Variants in PALD1 observed in about 807,000 individuals in gnomAD.
PALD1 encodes the protein phosphatase domain containing paladin 1.
Under a neutral mutation model 96.0 loss-of-function variants are expected in PALD1, and 57 were observed. The observed-to-expected ratio is 0.59, with a 90% CI of 0.48 to 0.74. PALD1 has a LOEUF of 0.74. Among genes scored for constraint, PALD1 ranks in the 30% least tolerant of loss-of-function variants. PALD1 has a pLI of 0.00. For missense variants in PALD1, 1,063 were observed against 1,143.7 expected (o/e 0.93, Z 1.02); for synonymous variants, 464 against 473.6 (o/e 0.98, Z 0.26).
chr10:70,497,034 C>A (rs909061542), intron 1 of PALD1, among the ~76,000 whole-genome samples: 1 of 152,150 alleles, frequency 6.6e-6, no homozygotes, highest in Non-Finnish European at 1.5e-5. Context: ...TTTCACTGGG[C>A]GTGCCCACGA....
chr10:70,549,165 A>G (rs1240160391), intron 18 of PALD1, among the ~76,000 whole-genome samples: 1 of 151,886 alleles, frequency 6.6e-6, no homozygotes, highest in African/African-American at 2.4e-5. Context: ...GGCCACAGTT[A>G]GATTGGGTCC....
At chr10:70,472,494 C>T in the PALD1 span, among the ~76,000 whole-genome samples, 2 of 152,108 alleles carry the variant, frequency 1.3e-5, no homozygotes, top group Non-Finnish European at 2.9e-5. Flanking sequence ...CTCCTGACCT[C>T]AGGTGATCTG....
At chr10:70,515,243 T>C (rs138864123) in intron 1 of PALD1, among the ~76,000 whole-genome samples, 104 of 152,308 alleles carry the variant, frequency 6.8e-4, no homozygotes, top group African/African-American at 2.4e-3. Flanking sequence ...CTGGGCTGAC[T>C]CAGGCTGGGC....
rs375182465 is a variant in PALD1 at position 70,483,384 on chromosome 10, G to C, written c.-30+4325G>C. ...ATGAGAGAGGCAGGTGGGGTGTCTG[G>C]GTCATCTGCACACCCATGGAAGGCA... On this transcript the variant is annotated intron_variant, in intron 1 of 19. Coordinates refer to ENST00000263563, the MANE Select transcript of PALD1 (RefSeq NM_014431.3). 1.8e-3 allele frequency among the ~76,000 whole-genome samples: 267 copies of C among 152,292 alleles called. 10 individuals carry two copies. The South Asian group carries it at 0.051, about 29-fold the overall frequency.
intron 18 of PALD1, among the ~76,000 whole-genome samples, chr10:70,557,939 T>TC (rs1186662661): frequency 7.1e-6 from 1 of 140,864 alleles, no homozygotes; most frequent in Admixed American, 7.2e-5. Flanking sequence ...CCTTTTTTTT[T>TC]TTTTTTTTTT....
chr10:70,510,743 G>A (rs1375381730), intron 1 of PALD1, among the ~76,000 whole-genome samples: 1 of 152,252 alleles, frequency 6.6e-6, no homozygotes. Flanking sequence ...CAGATGCAGA[G>A]AGGCTTGTGG....
chr10:70,532,258 G>T (rs938460344), intron 5 of PALD1, among the ~76,000 whole-genome samples: 3 of 152,168 alleles, frequency 2.0e-5, no homozygotes, highest in African/African-American at 7.2e-5. Flanking sequence ...GTCAGGAACC[G>T]AGGCCATGCC....
chr10:70,497,215 T>A (rs916462350), intron 1 of PALD1, among the ~76,000 whole-genome samples: 1 of 152,254 alleles, frequency 6.6e-6, no homozygotes, highest in Non-Finnish European at 1.5e-5. Flanking sequence ...GATCAGCACA[T>A]AGGGGCTGTA....
Position 70,566,997 on chromosome 10 carries a change from A to G in PALD1, c.*264A>G. 1 of 468,014 alleles carries G rather than the reference A, an allele frequency of 2.1e-6. No homozygotes were observed. Among genetic ancestry groups the G allele is most frequent in the Admixed American group, 4.1e-5 (1 of 24,564 alleles). The allele number at this position is 468,014 out of a possible 1,614,324, so 29.0% of individuals were successfully genotyped here. A position where few individuals can be genotyped will look rare whatever the true frequency, so the allele number is the denominator to read the frequency against. On this transcript the variant is annotated 3_prime_UTR_variant, in exon 20 of 20. Coordinates refer to ENST00000263563, the MANE Select transcript of PALD1 (RefSeq NM_014431.3). Reference sequence around the variant, plus strand: ...TCACTGGAGTGCTCACAAGGTGCACACTGCTGTGTGTACCTTGCAGACAGG... The same window carrying G: ...TCACTGGAGTGCTCACAAGGTGCACGCTGCTGTGTGTACCTTGCAGACAGG...
At chr10:70,470,057 G>A in the PALD1 span, among the ~76,000 whole-genome samples, 1 of 152,314 alleles carries the variant, frequency 6.6e-6, no homozygotes, top group African/African-American at 2.4e-5. Context: ...GCATCCCAAA[G>A]TGCTGGGATT....
chr10:70,515,102 C>T (rs975712256), intron 1 of PALD1, among the ~76,000 whole-genome samples: 1 of 152,140 alleles, frequency 6.6e-6, no homozygotes, highest in Non-Finnish European at 1.5e-5. Flanking sequence ...CATCAGTAAC[C>T]AGACAGGGTG....
chr10:70,474,536 C>A (rs1169019156), upstream of PALD1, among the ~76,000 whole-genome samples: 1 of 152,236 alleles, frequency 6.6e-6, no homozygotes, highest in Non-Finnish European at 1.5e-5. Flanking sequence ...CACTGCACTC[C>A]AGCCTGAGAC....
At chr10:70,542,583 C>A (rs1564705367) in intron 17 of PALD1, among the ~76,000 whole-genome samples, 1 of 152,188 alleles carries the variant, frequency 6.6e-6, no homozygotes, top group Non-Finnish European at 1.5e-5. Context: ...TCAAGGTTTA[C>A]CCACATTGTA....
the PALD1 span, among the ~76,000 whole-genome samples, chr10:70,458,647 C>G: frequency 6.6e-6 from 1 of 152,220 alleles, no homozygotes; most frequent in African/African-American, 2.4e-5. Context: ...CACTGCCGGT[C>G]CCGCCGCCGG....
At chr10:70,519,347 C>T (rs1470900606) in intron 1 of PALD1, among the ~76,000 whole-genome samples, 1 of 152,102 alleles carries the variant, frequency 6.6e-6, no homozygotes, top group African/African-American at 2.4e-5. Flanking sequence ...CTGAGAAGTC[C>T]AGGACTAAGG....
chr10:70,474,514 T>C (rs899349541), upstream of PALD1, among the ~76,000 whole-genome samples: 1 of 152,110 alleles, frequency 6.6e-6, no homozygotes, highest in Non-Finnish European at 1.5e-5. Flanking sequence ...TGAGCCGAGA[T>C]TGTGCCACCA....
intron 17 of PALD1, among the ~76,000 whole-genome samples, chr10:70,545,649 G>A (rs564873355): frequency 6.6e-6 from 1 of 151,992 alleles, no homozygotes; most frequent in East Asian, 2.0e-4. Context: ...TGTTGGCCAG[G>A]TTGGTCTTGA....
the PALD1 span, among the ~76,000 whole-genome samples, chr10:70,464,019 G>T: frequency 6.6e-6 from 1 of 152,112 alleles, no homozygotes; most frequent in African/African-American, 2.4e-5. Flanking sequence ...TCACGCATGC[G>T]TTTGTCCACG....
intron 1 of PALD1, among the ~76,000 whole-genome samples, chr10:70,515,607 G>A (rs1476929102): frequency 1.3e-5 from 2 of 152,216 alleles, no homozygotes; most frequent in Non-Finnish European, 2.9e-5. Context: ...GGTGTGGGGG[G>A]ATGAGGTCAG....
Sources: allele counts gnomAD v4.1 joint callset (sites outside exome capture counted in the v4.1 genomes callset), GRCh38; gene constraint gnomAD v4.1.1; transcripts MANE v1.5; gene names NCBI Gene and HGNC (gene_info 2026-07-23, HGNC 2026-07-21).